Variants in EXOC4 observed in about 807,000 individuals in gnomAD.
EXOC4 encodes the protein SEC8-like 1.
Under a neutral mutation model 107.2 loss-of-function variants are expected in EXOC4, and 71 were observed. The observed-to-expected ratio is 0.66, with a 90% CI of 0.55 to 0.81. The LOEUF (loss-of-function observed/expected upper bound fraction) is 0.81, where lower values mean the gene tolerates loss of function less well. Ranked by LOEUF, EXOC4 falls within the 30% of genes least tolerant of loss-of-function variation. The pLI is 0.00. For synonymous variants in EXOC4, 456 were observed against 441.2 expected (o/e 1.03, Z -0.42); for missense variants, 1,108 against 1,189.6 (o/e 0.93, Z 1.01).
chr7:133,607,717 G>A (rs1019092583), intron 9 of EXOC4, among the ~76,000 whole-genome samples: 3 of 152,096 alleles, frequency 2.0e-5, no homozygotes, highest in East Asian at 1.9e-4. Context: ...ACTGTAAATC[G>A]ATTTATAGAC....
chr7:133,721,778 G>C (rs1234919212), intron 10 of EXOC4, among the ~76,000 whole-genome samples: 1 of 152,214 alleles, frequency 6.6e-6, no homozygotes, highest in Non-Finnish European at 1.5e-5. Flanking sequence ...GTTGTGACCT[G>C]AAGGATGGTT....
chr7:133,381,834 T>C (rs928091913), intron 7 of EXOC4, among the ~76,000 whole-genome samples: 2 of 152,140 alleles, frequency 1.3e-5, no homozygotes, highest in African/African-American at 4.8e-5. Flanking sequence ...TTTAGGATCT[T>C]GTATTTGGAA....
chr7:133,971,021 GAGAGA>G (rs1247211572), intron 14 of EXOC4, among the ~76,000 whole-genome samples: 1 of 152,058 alleles, frequency 6.6e-6, no homozygotes, highest in Non-Finnish European at 1.5e-5. Flanking sequence ...AAAGACTGAA[GAGAGA>G]ACCTCAGCCC....
chr7:133,323,404 G>A (rs554911482), intron 5 of EXOC4, among the ~76,000 whole-genome samples: 1 of 152,216 alleles, frequency 6.6e-6, no homozygotes, highest in Middle Eastern at 3.4e-3. Flanking sequence ...CTAGTTTATC[G>A]AGAGTTTTTA....
intron 10 of EXOC4, among the ~76,000 whole-genome samples, chr7:133,643,966 A>G (rs1050215959): frequency 6.6e-6 from 1 of 152,140 alleles, no homozygotes; most frequent in Admixed American, 6.5e-5. Flanking sequence ...TTGGGGAAGG[A>G]TGGGAGAAAG....
intron 5 of EXOC4, among the ~76,000 whole-genome samples, chr7:133,345,969 A>G (rs1795775212): frequency 6.6e-6 from 1 of 152,238 alleles, no homozygotes; most frequent in African/African-American, 2.4e-5. Flanking sequence ...GTTAGTTAAC[A>G]TTTGAAAGAC....
chr7:133,998,726 G>A (rs1476103661), intron 15 of EXOC4, among the ~76,000 whole-genome samples: 1 of 152,152 alleles, frequency 6.6e-6, no homozygotes, highest in African/African-American at 2.4e-5. Flanking sequence ...AAGAAAGGGA[G>A]AGATATCAAT....
intron 9 of EXOC4, among the ~76,000 whole-genome samples, chr7:133,490,648 T>C (rs1040976246): frequency 1.3e-5 from 2 of 152,208 alleles, no homozygotes; most frequent in Non-Finnish European, 2.9e-5. Flanking sequence ...TATAATTTGT[T>C]ACTTTCAGGA....
At chr7:133,734,979 G>A (rs1388303811) in intron 10 of EXOC4, among the ~76,000 whole-genome samples, 8 of 149,816 alleles carry the variant, frequency 5.3e-5, no homozygotes, top group African/African-American at 2.0e-4. Context: ...GGGAGGCTGA[G>A]GCGGGTGGAT....
chr7:133,687,357 C>CT (rs1794328422), intron 10 of EXOC4, among the ~76,000 whole-genome samples: 1 of 151,802 alleles, frequency 6.6e-6, no homozygotes, highest in South Asian at 2.1e-4. Context: ...CATCAGAGAA[C>CT]TTACTCATGT....
chr7:133,646,108 G>C (rs1030830428), intron 10 of EXOC4, among the ~76,000 whole-genome samples: 1 of 152,130 alleles, frequency 6.6e-6, no homozygotes. Flanking sequence ...AACGTTGCCT[G>C]TCAGAAAAGG....
chr7:133,362,120 A>AT (rs1796149639), intron 6 of EXOC4, among the ~76,000 whole-genome samples: 2 of 151,912 alleles, frequency 1.3e-5, no homozygotes, highest in Non-Finnish European at 2.9e-5. Context: ...ATTTGTTTTA[A>AT]TTTTTTATGA....
At chr7:133,793,141 T>G (rs1403737055) in intron 10 of EXOC4, among the ~76,000 whole-genome samples, 2 of 152,180 alleles carry the variant, frequency 1.3e-5, no homozygotes, top group Admixed American at 1.3e-4. Context: ...TTAGTAAAAA[T>G]GAAGCCTCAG....
chr7:133,507,692 T>C (rs1799691397), intron 9 of EXOC4, among the ~76,000 whole-genome samples: 1 of 152,222 alleles, frequency 6.6e-6, no homozygotes, highest in Non-Finnish European at 1.5e-5. Context: ...AATTTTAGCA[T>C]GACCAGTTGA....
intron 17 of EXOC4, among the ~76,000 whole-genome samples, chr7:134,048,098 G>C (rs1002559270): frequency 2.0e-5 from 3 of 152,216 alleles, no homozygotes; most frequent in Non-Finnish European, 4.4e-5. Context: ...TTTCCCAAGT[G>C]GGGGCCACAA....
intron 7 of EXOC4, among the ~76,000 whole-genome samples, chr7:133,386,480 T>G (rs961646071): frequency 6.6e-6 from 1 of 152,190 alleles, no homozygotes; most frequent in African/African-American, 2.4e-5. Flanking sequence ...GAGAGCATGC[T>G]TCTTTTGCCT....
intron 3 of EXOC4, among the ~76,000 whole-genome samples, chr7:133,293,416 C>T (rs887783355): frequency 1.3e-5 from 2 of 152,282 alleles, no homozygotes; most frequent in African/African-American, 4.8e-5. Flanking sequence ...TAAAAGACAT[C>T]AGAGGAAAGT....
chr7:133,525,626 C>T (rs1247195458), intron 9 of EXOC4, among the ~76,000 whole-genome samples: 1 of 151,882 alleles, frequency 6.6e-6, no homozygotes, highest in Non-Finnish European at 1.5e-5. Flanking sequence ...AAAAGGAAAC[C>T]CACTATATTG....
chr7:133,450,452 C>T (rs7788086), intron 7 of EXOC4, among the ~76,000 whole-genome samples: 42,171 of 152,134 alleles, frequency 0.28, 6,068 homozygotes, highest in South Asian at 0.4. Context: ...CATGAGCCAC[C>T]GTGCCAGGCC....
Sources: gnomAD v4.1 joint callset for allele counts (sites outside exome capture counted in the v4.1 genomes callset) on GRCh38, gnomAD v4.1.1 for gene constraint, MANE v1.5 for transcripts, NCBI Gene and HGNC (gene_info 2026-07-23, HGNC 2026-07-21) for gene names.